The following TRPM7 variants were observed in gnomAD, a reference collection of about 807,000 sequenced individuals.
TRPM7 encodes the protein transient receptor potential cation channel subfamily M member 7.
A neutral mutation model predicts 229.7 loss-of-function variants in TRPM7; 134 were observed. The observed-to-expected ratio is 0.58, with a 90% confidence interval of 0.51 to 0.67. The LOEUF (loss-of-function observed/expected upper bound fraction) is 0.67, where lower values mean the gene tolerates loss of function less well. Ranked by LOEUF, TRPM7 falls within the 30% of genes least tolerant of loss-of-function variation. The pLI is 0.00. For synonymous variants in TRPM7, 699 were observed against 715.2 expected (o/e 0.98, Z 0.36); for missense variants, 1,901 against 2,210.0 (o/e 0.86, Z 2.80).
intron 34 of TRPM7, 64 bp downstream of exon 34, chr15:50,574,788 A>T: frequency 1.3e-6 from 2 of 1,586,886 alleles, no homozygotes; most frequent in Non-Finnish European, 1.7e-6. Context: ...GCTTATTGAT[A>T]TTTCAGAAGT....
intron 38 of TRPM7, among the ~76,000 whole-genome samples, chr15:50,568,622 G>A (rs544347128): frequency 1.3e-5 from 2 of 152,208 alleles, no homozygotes; most frequent in East Asian, 1.9e-4. Context: ...CATGCATCCT[G>A]GCTCTTGAGT....
chr15:50,615,793 G>A (rs2060206075), intron 13 of TRPM7, among the ~76,000 whole-genome samples: 2 of 152,048 alleles, frequency 1.3e-5, no homozygotes. Context: ...CTACTCAGAA[G>A]GCTGAGGCAG....
intron 38 of TRPM7, among the ~76,000 whole-genome samples, chr15:50,564,185 C>G (rs550602107): frequency 6.7e-6 from 1 of 150,336 alleles, no homozygotes; most frequent in Admixed American, 6.6e-5. Context: ...CCAATGTGGC[C>G]CAGGGAAGCC....
In TRPM7 at chr15:50,588,024, A is replaced by G. The variant is rs540914142; in HGVS notation, c.4390-1536T>C. Among the ~76,000 whole-genome samples, 659 of 152,238 alleles carry G rather than the reference A, an allele frequency of 4.3e-3. 2 individuals are homozygous for G. Among genetic ancestry groups the G allele is most frequent in the African/African-American group, 0.015 (642 of 41,546 alleles). ...CTACCTAAGTGAACTTGATCCATTT[A>G]TTTAGCTCTCAGTCTAAATATGCCA... On this transcript the variant is annotated intron_variant, in intron 27 of 38. Transcript: ENST00000646667.
chr15:50,575,233 A>G (rs1566943190), intron 33 of TRPM7, 98 bp from the exon 34 acceptor site: 4 of 1,026,518 alleles, frequency 3.9e-6, no homozygotes, highest in African/African-American at 1.6e-5. Flanking sequence ...TAAGGAACAG[A>G]AGATAAAATG....
chr15:50,622,972 C>T (rs1011413305), intron 12 of TRPM7, among the ~76,000 whole-genome samples: 1 of 152,148 alleles, frequency 6.6e-6, no homozygotes. Flanking sequence ...AATAATTGTA[C>T]TTAACTATGC....
chr15:50,592,439 G>T lies in TRPM7; in HGVS notation c.3796C>A (p.Arg1266=). 6.2e-7 allele frequency: 1 copy of T among 1,614,158 alleles called. No homozygotes were observed. The highest frequency in any genetic ancestry group is 1.7e-5 in the Admixed American group (1 of 60,026). Residue 1266 remains arginine, a synonymous_variant, in exon 26 of 39, where the codon CGA becomes AGA. Coordinates refer to ENST00000646667, the MANE Select transcript of TRPM7 (RefSeq NM_017672.6). ...EASKVHNEIT[R]ELSISKHLAQ... is the part of the protein sequence containing the mutation. ...AAGTGTTTGGAAATGCTCAGTTCTC[G>T]TGTGATTTCATTATGAACTTTGCTA...
intron 38 of TRPM7, among the ~76,000 whole-genome samples, chr15:50,564,725 T>C (rs1240436591): frequency 6.6e-6 from 1 of 152,132 alleles, no homozygotes; most frequent in Non-Finnish European, 1.5e-5. Context: ...CACTGAATCA[T>C]AAACTGTTAA....
chr15:50,683,004 TC>T (rs1468638131), intron 1 of TRPM7, among the ~76,000 whole-genome samples: 1 of 151,698 alleles, frequency 6.6e-6, no homozygotes, highest in Non-Finnish European at 1.5e-5. Context: ...CACCTCAGCC[TC>T]CCAAGTAGCT....
chr15:50,582,743 A>T (rs1376025228), intron 29 of TRPM7, among the ~76,000 whole-genome samples: 2 of 152,176 alleles, frequency 1.3e-5, no homozygotes, highest in Non-Finnish European at 2.9e-5. Context: ...TAAAGGAGTA[A>T]TTTTTCTGCC....
At chr15:50,629,005 T>C (rs936110152) in intron 10 of TRPM7, among the ~76,000 whole-genome samples, 2 of 152,212 alleles carry the variant, frequency 1.3e-5, no homozygotes, top group African/African-American at 4.8e-5. Context: ...ATCTCCCTTA[T>C]ATATACTTAG....
rs1002456973 is a variant in TRPM7 at position 50,570,132 on chromosome 15, G to A, written c.5332C>T (p.Pro1778Ser). 3.7e-6 allele frequency: 6 copies of A among 1,608,858 alleles called. No homozygotes were observed. Among genetic ancestry groups the A allele is most frequent in the Non-Finnish European group, 5.1e-6 (6 of 1,177,858 alleles). Residue 1778 changes from proline to serine, a missense_variant, in exon 37 of 39, where the codon CCA becomes TCA. By Grantham distance (74) the Pro-to-Ser change is moderately conservative. Transcript: ENST00000646667. ...LQGVGENLTD[P>S]SVIKAEEKRS... The stretch of plus-strand genomic sequence containing the variant: ...TTTTCTTCTGCTTTTATCACAGATG[G>A]GTCAGTCAAATTTTCACCAACACCT...
intron 13 of TRPM7, among the ~76,000 whole-genome samples, chr15:50,614,664 CAAAAAAAAAA>C (rs59336476): frequency 0.037 from 3,405 of 92,638 alleles, 119 homozygotes; most frequent in African/African-American, 0.12. Context: ...GACTTGGTCT[CAAAAAAAAAA>C]AAAAAAAAAA....
chr15:50,595,948 C>A (rs1464053042), intron 23 of TRPM7, among the ~76,000 whole-genome samples: 1 of 151,762 alleles, frequency 6.6e-6, no homozygotes, highest in Non-Finnish European at 1.5e-5. Context: ...AGGTGTACAC[C>A]CAAATATTAA....
At position 50,670,630 on chromosome 15, in the gene TRPM7, C is replaced by T. The variant is rs560698477; in HGVS notation, c.4-7584G>A. ...GGAACCCTCAGTTCTGGGAACTGCC[C>T]ACCACTTTCCCAGAAAATTCATTAA... On this transcript the variant is annotated intron_variant, in intron 1 of 38. Coordinates refer to ENST00000646667, the MANE Select transcript of TRPM7 (RefSeq NM_017672.6). Among the ~76,000 whole-genome samples the T allele has an allele frequency of 7.2e-5, 11 of 152,058 alleles. No individual in the cohort carries two copies. The South Asian group carries it at 1.5e-3, about 20-fold the overall frequency.
At chr15:50,587,797 C>T (rs2059382133) in intron 27 of TRPM7, among the ~76,000 whole-genome samples, 1 of 152,110 alleles carries the variant, frequency 6.6e-6, no homozygotes, top group Admixed American at 6.5e-5. Context: ...AACAGCTTTA[C>T]TAAAACTTAT....
chr15:50,585,838 T>C (rs187721190), intron 28 of TRPM7, among the ~76,000 whole-genome samples: 4 of 152,284 alleles, frequency 2.6e-5, no homozygotes, highest in Admixed American at 6.5e-5. Context: ...CACCACAATA[T>C]AGTAAATGAG....
chr15:50,591,501 T>C (rs1343249515), intron 26 of TRPM7, among the ~76,000 whole-genome samples: 2 of 150,862 alleles, frequency 1.3e-5, no homozygotes, highest in East Asian at 1.9e-4. Context: ...TTTTTTTTTT[T>C]CATTTCATTT....
chr15:50,679,536 A>T (rs1014904158), intron 1 of TRPM7, among the ~76,000 whole-genome samples: 1,534 of 48,864 alleles, frequency 0.031, 76 homozygotes, highest in Middle Eastern at 0.11. Flanking sequence ...ATATATATAT[A>T]TATTTTTTTT....
Sources: gnomAD v4.1 joint callset for allele counts (sites outside exome capture counted in the v4.1 genomes callset) on GRCh38, gnomAD v4.1.1 for gene constraint, MANE v1.5 for transcripts, NCBI Gene and HGNC (gene_info 2026-07-23, HGNC 2026-07-21) for gene names.